The following CADM2 variants were observed in gnomAD, a reference collection of about 807,000 sequenced individuals.
The protein encoded by CADM2 is immunoglobulin superfamily member 4D.
CADM2 carries 12 observed loss-of-function variants against 49.8 expected under a neutral mutation model. The observed-to-expected ratio is 0.24, with a 90% CI of 0.15 to 0.39. CADM2 has a LOEUF of 0.39. Among genes scored for constraint, CADM2 ranks in the 10% least tolerant of loss-of-function variants. The pLI, the probability that CADM2 is intolerant of heterozygous loss-of-function variation, is 1.00. For missense variants in CADM2, 378 were observed against 492.3 expected, an observed-to-expected ratio of 0.77 and a Z score of 2.20; for synonymous variants, 214 against 175.4, an observed-to-expected ratio of 1.22 and a Z score of -1.74.
chr3:85,170,322 T>G (rs2040588305), intron 1 of CADM2, among the ~76,000 whole-genome samples: 1 of 151,554 alleles, frequency 6.6e-6, no homozygotes, highest in Non-Finnish European at 1.5e-5. Context: ...TGATGCTAGA[T>G]TGGTCACATC....
At chr3:85,359,658 A>ATTTTTT (rs1472399629) in intron 1 of CADM2, among the ~76,000 whole-genome samples, 1 of 17,460 alleles carries the variant, frequency 5.7e-5, no homozygotes, top group African/African-American at 1.2e-4. Context: ...ATATATATAT[A>ATTTTTT]TATATATATT....
chr3:85,584,310 C>T (rs368851892), intron 1 of CADM2, among the ~76,000 whole-genome samples: 5 of 152,062 alleles, frequency 3.3e-5, no homozygotes, highest in African/African-American at 1.2e-4. Flanking sequence ...ATATTTCAGT[C>T]TAGAGGAAAT....
At chr3:85,282,983 G>A (rs1398407490) in intron 1 of CADM2, among the ~76,000 whole-genome samples, 2 of 151,968 alleles carry the variant, frequency 1.3e-5, no homozygotes, top group East Asian at 3.9e-4. Flanking sequence ...CACATTCTAT[G>A]CATGTATCAA....
intron 3 of CADM2, among the ~76,000 whole-genome samples, chr3:85,814,438 C>A (rs1225661784): frequency 6.6e-6 from 1 of 151,888 alleles, no homozygotes; most frequent in African/African-American, 2.4e-5. Flanking sequence ...AAAATTGACA[C>A]CCTAACATAA....
chr3:85,554,849 AT>A (rs1404455531), intron 1 of CADM2, among the ~76,000 whole-genome samples: 1 of 148,780 alleles, frequency 6.7e-6, no homozygotes. Flanking sequence ...CTCAGCTAAT[AT>A]TTTTTTATTT....
rs1470904115 is a variant in CADM2, at chr3:85,601,155, TATATATATATATATATATAC to T, written c.62-125365_62-125346del. On this transcript the variant is annotated intron_variant, in intron 1 of 9. Transcript: ENST00000383699. Reference sequence around the variant, plus strand: ...GTATATATATATATATATATATATATATATATATATATATATATACACACACACACACACATACATGTCAT... The same window carrying T: ...GTATATATATATATATATATATATATACACACACACACACATACATGTCAT... 2.5e-4 allele frequency among the ~76,000 whole-genome samples: 32 copies of T among 128,088 alleles called. 1 individual carries two copies. The highest frequency in any genetic ancestry group is 2.2e-3 in the Admixed American group (27 of 12,188). 84.0% of individuals were successfully genotyped at this position (128,088 alleles called of 152,430 possible). A position where few individuals can be genotyped will look rare whatever the true frequency, so the allele number is the denominator to read the frequency against.
At chr3:85,088,772 T>G (rs981455997) in intron 1 of CADM2, among the ~76,000 whole-genome samples, 1 of 152,166 alleles carries the variant, frequency 6.6e-6, no homozygotes. Context: ...GAAAGAAAGA[T>G]ATTATTTCTT....
intron 5 of CADM2, among the ~76,000 whole-genome samples, chr3:85,908,716 C>G (rs2108470335): frequency 7.3e-6 from 1 of 136,430 alleles, no homozygotes; most frequent in Middle Eastern, 3.7e-3. Flanking sequence ...ATTATAATAA[C>G]TTACGGTTAT....
chr3:85,209,062 CTG>C (rs1182490682), intron 1 of CADM2, among the ~76,000 whole-genome samples: 1 of 152,084 alleles, frequency 6.6e-6, no homozygotes, highest in African/African-American at 2.4e-5. Context: ...ATTCTGGAAA[CTG>C]TGTGTACAGA....
intron 1 of CADM2, among the ~76,000 whole-genome samples, chr3:85,145,039 A>C (rs1478947493): frequency 2.0e-5 from 3 of 152,200 alleles, no homozygotes; most frequent in Non-Finnish European, 2.9e-5. Context: ...TTGCATTGAA[A>C]ATGGGCCACT....
intron 1 of CADM2, among the ~76,000 whole-genome samples, chr3:85,046,461 A>G (rs1364277821): frequency 6.6e-6 from 1 of 151,604 alleles, no homozygotes; most frequent in African/African-American, 2.4e-5. Context: ...ATTGTATCTT[A>G]TAAAGTGTAA....
chr3:85,353,923 C>A (rs1269589492), intron 1 of CADM2, among the ~76,000 whole-genome samples: 2 of 151,798 alleles, frequency 1.3e-5, no homozygotes, highest in Non-Finnish European at 2.9e-5. Context: ...AATGTTAGGT[C>A]ATTATTGGCA....
intron 8 of CADM2, among the ~76,000 whole-genome samples, chr3:85,968,820 A>T (rs1725769012): frequency 6.6e-6 from 1 of 151,644 alleles, no homozygotes; most frequent in Admixed American, 6.6e-5. Flanking sequence ...CCATGGGAGG[A>T]AATGTTGGCA....
intron 1 of CADM2, among the ~76,000 whole-genome samples, chr3:85,119,883 G>A (rs192991431): frequency 9.9e-5 from 15 of 152,182 alleles, no homozygotes; most frequent in East Asian, 7.7e-4. Context: ...AGAAACTAGC[G>A]TCAGAGTGAA....
At chr3:85,607,288 G>C (rs1171209341) in intron 1 of CADM2, among the ~76,000 whole-genome samples, 1 of 152,076 alleles carries the variant, frequency 6.6e-6, no homozygotes, top group Non-Finnish European at 1.5e-5. Flanking sequence ...ATGTATGATG[G>C]CAGGGTTACA....
chr3:85,771,500 C>T (rs993564718), intron 2 of CADM2, among the ~76,000 whole-genome samples: 2 of 151,978 alleles, frequency 1.3e-5, no homozygotes, highest in African/African-American at 4.8e-5. Flanking sequence ...TGATATTATT[C>T]GTACTATACT....
At chr3:86,042,749 T>A (rs1197210034) in intron 8 of CADM2, among the ~76,000 whole-genome samples, 3 of 152,186 alleles carry the variant, frequency 2.0e-5, no homozygotes, top group Admixed American at 6.5e-5. Flanking sequence ...ATCATCCTGA[T>A]ACCAAAGCCT....
At chr3:85,422,982 C>T (rs1327172092) in intron 1 of CADM2, among the ~76,000 whole-genome samples, 2 of 152,080 alleles carry the variant, frequency 1.3e-5, no homozygotes, top group Admixed American at 1.3e-4. Context: ...AATTCTTCTC[C>T]TGCGTCCAGG....
At chr3:86,006,686 G>A (rs1730830745) in intron 8 of CADM2, among the ~76,000 whole-genome samples, 1 of 152,048 alleles carries the variant, frequency 6.6e-6, no homozygotes, top group Admixed American at 6.6e-5. Context: ...GGTGTTTTGA[G>A]GACCATTCTG....
Sources: gnomAD v4.1 joint callset for allele counts (sites outside exome capture counted in the v4.1 genomes callset) on GRCh38, gnomAD v4.1.1 for gene constraint, MANE v1.5 for transcripts, NCBI Gene and HGNC (gene_info 2026-07-23, HGNC 2026-07-21) for gene names.